KCNC1: variants seen among roughly 807,000 people sequenced by gnomAD.
KCNC1 encodes voltage-gated potassium channel KCNC1.
Under a neutral mutation model 43.4 loss-of-function variants are expected in KCNC1, and 8 were observed. The ratio of observed to expected loss-of-function variants is 0.18; its 90% CI spans 0.11 to 0.33. The LOEUF (loss-of-function observed/expected upper bound fraction) is 0.33, where lower values mean the gene tolerates loss of function less well. KCNC1 is among the 10% of genes least tolerant of loss of function. KCNC1 has a pLI of 1.00. For synonymous variants in KCNC1, 361 were observed against 360.5 expected (o/e 1.00, Z -0.01); for missense variants, 420 against 836.0 (o/e 0.50, Z 6.14).
At chr11:17,744,707 G>A (rs1325441188) in intron 1 of KCNC1, among the ~76,000 whole-genome samples, 1 of 152,116 alleles carries the variant, frequency 6.6e-6, no homozygotes, top group Non-Finnish European at 1.5e-5. Context: ...TAGGGCTGCT[G>A]TGGGGAAGGG....
intron 1 of KCNC1, among the ~76,000 whole-genome samples, chr11:17,770,707 A>G (rs1383100329): frequency 6.6e-6 from 1 of 152,182 alleles, no homozygotes; most frequent in African/African-American, 2.4e-5. Context: ...CTGGACAGGC[A>G]GGGTGATCCT....
chr11:17,772,843 A>G lies in KCNC1; in HGVS notation c.1504+245A>G, dbSNP rs1307529499. The G allele has an allele frequency of 4.3e-6, 6 of 1,391,060 alleles. 1 individual carries two copies. In the East Asian group the frequency reaches 1.6e-4, roughly 37 times the overall value. 86.2% of individuals were successfully genotyped at this position (1,391,060 alleles called of 1,614,324 possible). On this transcript the variant is annotated intron_variant, in intron 2 of 3. Transcript: ENST00000265969. ...GGAGGTTGACGCGGTTGGTCTCGTG[A>G]TGTTCTGAAGAGACAACGCGGCCCG...
intron 1 of KCNC1, among the ~76,000 whole-genome samples, chr11:17,740,277 T>TG (rs941119851): frequency 1.3e-5 from 2 of 152,108 alleles, no homozygotes; most frequent in Non-Finnish European, 2.9e-5. Flanking sequence ...TGTTCTGGGT[T>TG]GGGGGGTGGT....
At position 17,741,154 on chromosome 11, in the gene KCNC1, G is replaced by GC. The variant is rs548886314; in HGVS notation, c.570+4588dup. 2.3e-3 allele frequency among the ~76,000 whole-genome samples: 342 copies of GC among 151,992 alleles called. 2 individuals carry two copies. The highest frequency in any genetic ancestry group is 7.8e-3 in the African/African-American group (324 of 41,440). Reference sequence around the variant, plus strand: ...CCCCAAGGGCCTTCCACCACAGTGTGCCCCCCTGCTTCCCATGATCCTTGT... The same window carrying GC: ...CCCCAAGGGCCTTCCACCACAGTGTGCCCCCCCTGCTTCCCATGATCCTTGT... On this transcript the variant is annotated intron_variant, in intron 1 of 3. Coordinates refer to ENST00000265969, the MANE Select transcript of KCNC1 (RefSeq NM_001112741.2).
chr11:17,774,968 T>C (rs1357761086), intron 2 of KCNC1: 2 of 985,364 alleles, frequency 2.0e-6, no homozygotes, highest in Non-Finnish European at 2.4e-6. Context: ...TTGCGGTCTT[T>C]AGGGGCGTTG....
At chr11:17,769,535 G>A (rs1293613149) in intron 1 of KCNC1, among the ~76,000 whole-genome samples, 1 of 151,918 alleles carries the variant, frequency 6.6e-6, no homozygotes, top group Non-Finnish European at 1.5e-5. Context: ...GGAGGATGAT[G>A]TGCTGGTGAA....
At chr11:17,753,947 G>A (rs551537653) in intron 1 of KCNC1, among the ~76,000 whole-genome samples, 9 of 152,188 alleles carry the variant, frequency 5.9e-5, no homozygotes, top group Admixed American at 3.9e-4. Flanking sequence ...CATCATGAGC[G>A]CCTTCAGCTG....
At position 17,735,215 on chromosome 11, in the gene KCNC1, G is replaced by C. The variant is rs1445765713; in HGVS notation, c.-788G>C. On this transcript the variant is annotated 5_prime_UTR_variant, in exon 1 of 4. Transcript: ENST00000265969. This position sits in a 1 kb window ranked among gnomAD's most constrained non-coding sequence, Gnocchi z 6.7. ...GAGCAGCGCTCGGCGTTAGCCGCAC[G>C]AGCAACACCCCGGGTGCCCCTGCCC... 2.6e-5 allele frequency: 4 copies of C among 152,190 alleles called. No homozygotes were observed. In the East Asian group the frequency reaches 7.8e-4, roughly 30 times the overall value. The allele number at this position is 152,190 out of a possible 1,614,324, so 9.4% of individuals were successfully genotyped here.
rs536317227 is a variant in KCNC1, at chr11:17,767,621, G to A, written c.571-4044G>A. ...TAGACTTAGGAGGACACTGGGATCT[G>A]AGCAGGCTGAGGCATCTTCCTCCAC... On this transcript the variant is annotated intron_variant, in intron 1 of 3. Transcript: ENST00000265969. Among the ~76,000 whole-genome samples, 6 of 152,342 alleles carry A rather than the reference G, an allele frequency of 3.9e-5. No individual in the cohort carries two copies. The East Asian group carries it at 7.7e-4, about 20-fold the overall frequency.
chr11:17,735,934 C>G lies in KCNC1; in HGVS notation c.-69C>G. On this transcript the variant is annotated 5_prime_UTR_variant, in exon 1 of 4. Transcript: ENST00000265969. This position sits in a 1 kb window ranked among gnomAD's most constrained non-coding sequence, Gnocchi z 6.7. ...AGAGGGCGCGCGCCCCCCTCCCCGG[C>G]GCCAACTCCCCCTGGCGGCCGCTCC... is the stretch of plus-strand genomic sequence containing the variant. 7.2e-7 allele frequency: 1 copy of G among 1,379,348 alleles called. No individual in the cohort carries two copies. Among genetic ancestry groups the G allele is most frequent in the Non-Finnish European group, 9.3e-7 (1 of 1,075,004 alleles). The allele number at this position is 1,379,348 out of a possible 1,614,324, so 85.4% of individuals were successfully genotyped here. A position where few individuals can be genotyped will look rare whatever the true frequency, so the allele number is the denominator to read the frequency against.
intron 1 of KCNC1, among the ~76,000 whole-genome samples, chr11:17,766,571 G>A (rs1316952828): frequency 6.6e-6 from 1 of 152,170 alleles, no homozygotes; most frequent in Non-Finnish European, 1.5e-5. Context: ...TACCTTGCTA[G>A]ACAGGGGCAG....
rs942468046 is a variant in KCNC1, at chr11:17,775,059, G to A, written c.1504+2461G>A. ...CATGCACCTAGATGGGCATAGGGTT[G>A]GGGTGAGTTTGTGGGAGAGTGAGGG... On this transcript the variant is annotated intron_variant, in intron 2 of 3. Coordinates refer to ENST00000265969, the MANE Select transcript of KCNC1 (RefSeq NM_001112741.2). The A allele has an allele frequency of 7.1e-6, 7 of 985,376 alleles. No individual in the cohort carries two copies. In the African/African-American group the frequency reaches 1.2e-4, roughly 17 times the overall value. The allele number at this position is 985,376 out of a possible 1,614,324, so 61.0% of individuals were successfully genotyped here.
chr11:17,763,767 CCCCCACACCA>C (rs1331389598), intron 1 of KCNC1, among the ~76,000 whole-genome samples: 2 of 144,092 alleles, frequency 1.4e-5, no homozygotes, highest in East Asian at 2.1e-4. Flanking sequence ...CACACACAAA[CCCCCACACCA>C]CCCCACACAC....
rs1437896226 is a variant in KCNC1, at chr11:17,746,404, G to C, written c.570+9832G>C. Among the ~76,000 whole-genome samples, 3 of 152,152 alleles carry C rather than the reference G, an allele frequency of 2.0e-5. No individual in the cohort carries two copies. In the East Asian group the frequency reaches 5.8e-4, roughly 29 times the overall value. ...CCACGAAACTGTTTTCCAAAACCAA[G>C]ATGCACAAGTTCCTACGTCCCACTT... On this transcript the variant is annotated intron_variant, in intron 1 of 3. Transcript: ENST00000265969.
chr11:17,764,734 A>T (rs1470773379), intron 1 of KCNC1, among the ~76,000 whole-genome samples: 3 of 152,094 alleles, frequency 2.0e-5, no homozygotes, highest in African/African-American at 7.2e-5. Flanking sequence ...GCATTTATTG[A>T]CAGAACAAAA....
intron 1 of KCNC1, among the ~76,000 whole-genome samples, chr11:17,746,790 GAGCAT>G (rs371899508): frequency 2.4e-4 from 37 of 152,244 alleles, no homozygotes; most frequent in African/African-American, 8.7e-4. Context: ...TTCTCTGCAA[GAGCAT>G]AGCCCCTTGA....
chr11:17,772,935 G>A, intron 2 of KCNC1: 1 of 1,188,016 alleles, frequency 8.4e-7, no homozygotes, highest in Non-Finnish European at 1.0e-6. Flanking sequence ...GGAGTCCGGT[G>A]TGAGTCTCTG....
Position 17,779,558 on chromosome 11 carries a change from G to A in KCNC1, c.1607G>A (p.Arg536His), listed in dbSNP as rs1442404828. Residue 536 changes from arginine (R) to histidine (H), a missense_variant, in exon 3 of 4, where the codon CGC (arginine) becomes CAC (histidine). By Grantham distance (29) the Arg-to-His change is conservative (BLOSUM62 0). Coordinates refer to ENST00000265969, the MANE Select transcript of KCNC1 (RefSeq NM_001112741.2). This position sits in a 1 kb window ranked among gnomAD's most constrained non-coding sequence, Gnocchi z 7.2. The stretch of plus-strand genomic sequence containing the variant: ...CCCGATGAGGGCCTGCCCTTTACGC[G>A]CTCGGGCACCCGCGAGAGATACGGA... ...LTPDEGLPFT[R>H]SGTRERYGPC... is the part of the protein sequence containing the mutation. The A allele has an allele frequency of 8.4e-6, 13 of 1,551,434 alleles. No homozygotes were observed. Among genetic ancestry groups the A allele is most frequent in the Non-Finnish European group, 1.1e-5 (13 of 1,146,968 alleles).
chr11:17,761,958 A>G (rs796988587), intron 1 of KCNC1, among the ~76,000 whole-genome samples: 4 of 152,178 alleles, frequency 2.6e-5, no homozygotes, highest in African/African-American at 9.6e-5. Flanking sequence ...AACCACCTCC[A>G]GGGAAAGGTT....
Sources: gnomAD v4.1 joint callset for allele counts (sites outside exome capture counted in the v4.1 genomes callset) on GRCh38, gnomAD v4.1.1 for gene constraint, Gnocchi (gnomAD v3.1) non-coding constraint, MANE v1.5 for transcripts, NCBI Gene and HGNC (gene_info 2026-07-23, HGNC 2026-07-21) for gene names.